LRRC37A2: variants seen among roughly 807,000 people sequenced by gnomAD.
The protein encoded by LRRC37A2 is leucine rich repeat containing 37 member A2, also known as leucine-rich repeat-containing protein 37A2.
Under a neutral mutation model 68.8 loss-of-function variants are expected in LRRC37A2, and 9 were observed. That is an observed-to-expected ratio of 0.13 (90% confidence interval 0.08 to 0.23). The LOEUF is 0.23. Ranked by LOEUF, LRRC37A2 falls within the 10% of genes least tolerant of loss-of-function variation. LRRC37A2 has a pLI of 1.00. For synonymous variants in LRRC37A2, 63 were observed against 367.6 expected (o/e 0.17, Z 9.48); for missense variants, 168 against 950.4 (o/e 0.18, Z 10.82).
chr17:46,520,976 A>G (rs1333007972), intron 4 of LRRC37A2, among the ~76,000 whole-genome samples: 1 of 81,752 alleles, frequency 1.2e-5, no homozygotes, highest in African/African-American at 3.5e-5. Context: ...AGCTACCAAG[A>G]GAATAGACTG....
the LRRC37A2 span, among the ~76,000 whole-genome samples, chr17:46,784,115 G>A: frequency 2.6e-5 from 4 of 152,134 alleles, no homozygotes; most frequent in African/African-American, 7.2e-5. Context: ...GGATGGGCCC[G>A]CTGGTCATCT....
chr17:46,729,340 T>G, the LRRC37A2 span, among the ~76,000 whole-genome samples: 1 of 152,190 alleles, frequency 6.6e-6, no homozygotes, highest in Admixed American at 6.6e-5. Context: ...TATGGGGATA[T>G]TTAAGTTTAT....
At chr17:46,913,279 C>T in the LRRC37A2 span, among the ~76,000 whole-genome samples, 5,126 of 152,330 alleles carry the variant, frequency 0.034, 165 homozygotes, top group African/African-American at 0.083. Context: ...AGAAGTTTCA[C>T]AAGCACCTAC....
chr17:46,745,502 A>G, the LRRC37A2 span, among the ~76,000 whole-genome samples: 3 of 152,222 alleles, frequency 2.0e-5, no homozygotes, highest in African/African-American at 7.2e-5. Flanking sequence ...TTTGAAGAGC[A>G]TAGTCACTGT....
the LRRC37A2 span, among the ~76,000 whole-genome samples, chr17:46,739,984 C>A: frequency 6.6e-6 from 1 of 152,076 alleles, no homozygotes; most frequent in Non-Finnish European, 1.5e-5. Context: ...ACAGGCCTGG[C>A]CTGATTTTAA....
chr17:46,830,866 G>C, the LRRC37A2 span: 1 of 397,888 alleles, frequency 2.5e-6, no homozygotes, highest in Non-Finnish European at 4.4e-6. Flanking sequence ...GAAAAAGTCT[G>C]GTTGGTCCTA....
the LRRC37A2 span, among the ~76,000 whole-genome samples, chr17:46,816,517 CT>C: frequency 1.4e-5 from 2 of 140,848 alleles, no homozygotes; most frequent in African/African-American, 2.5e-5. Flanking sequence ...ACACACACAC[CT>C]CTCTCCTTGG....
At chr17:46,732,883 G>A in the LRRC37A2 span, among the ~76,000 whole-genome samples, 1 of 152,224 alleles carries the variant, frequency 6.6e-6, no homozygotes, top group African/African-American at 2.4e-5. Context: ...AGCAGCAGCA[G>A]CTAAGAAAGC....
At chr17:46,836,754 C>T in the LRRC37A2 span, among the ~76,000 whole-genome samples, 1 of 152,120 alleles carries the variant, frequency 6.6e-6, no homozygotes, top group Non-Finnish European at 1.5e-5. Context: ...GGGGTGATGT[C>T]TTGGTTGGAA....
chr17:46,857,036 G>T, the LRRC37A2 span, among the ~76,000 whole-genome samples: 3 of 152,112 alleles, frequency 2.0e-5, no homozygotes, highest in African/African-American at 4.8e-5. Flanking sequence ...CTTTTGCTTG[G>T]ATTATTTTGC....
At chr17:46,953,382 A>G in the LRRC37A2 span, among the ~76,000 whole-genome samples, 1 of 152,092 alleles carries the variant, frequency 6.6e-6, no homozygotes, top group African/African-American at 2.4e-5. Context: ...TGAGCTCATC[A>G]TTTTTTATGG....
the LRRC37A2 span, among the ~76,000 whole-genome samples, chr17:46,738,021 C>T: frequency 3.3e-5 from 5 of 151,810 alleles, no homozygotes; most frequent in Non-Finnish European, 7.4e-5. Flanking sequence ...GCAGCCTTTA[C>T]CTCCTGGGCT....
the LRRC37A2 span, chr17:46,916,962 G>C: frequency 6.6e-6 from 1 of 152,148 alleles, no homozygotes; most frequent in Non-Finnish European, 1.5e-5. Flanking sequence ...ATCCATTCAT[G>C]AAGGCTCTGT....
chr17:46,751,602 G>A, the LRRC37A2 span: 1 of 1,610,920 alleles, frequency 6.2e-7, no homozygotes, highest in Non-Finnish European at 8.5e-7. Context: ...AATGCTGATC[G>A]AGATGTCCCT....
the LRRC37A2 span, among the ~76,000 whole-genome samples, chr17:46,767,494 C>T: frequency 1.3e-5 from 2 of 152,160 alleles, no homozygotes; most frequent in Non-Finnish European, 2.9e-5. Context: ...GTAGAGGAGA[C>T]ATTTTGGCTC....
the LRRC37A2 span, among the ~76,000 whole-genome samples, chr17:47,038,466 T>A: frequency 6.6e-6 from 1 of 151,840 alleles, no homozygotes; most frequent in East Asian, 1.9e-4. Flanking sequence ...TTTTTTTTAG[T>A]TATCCGAGTG....
chr17:46,825,140 C>G, the LRRC37A2 span, among the ~76,000 whole-genome samples: 1 of 152,258 alleles, frequency 6.6e-6, no homozygotes, highest in Non-Finnish European at 1.5e-5. Flanking sequence ...TTTTGGGGCT[C>G]TAACCCAAGG....
At chr17:46,825,250 T>G in the LRRC37A2 span, among the ~76,000 whole-genome samples, 1 of 152,110 alleles carries the variant, frequency 6.6e-6, no homozygotes, top group Non-Finnish European at 1.5e-5. Flanking sequence ...CTAGAGCTCC[T>G]GAGTTTTCCT....
the LRRC37A2 span, among the ~76,000 whole-genome samples, chr17:46,728,183 G>T: frequency 6.6e-6 from 1 of 152,108 alleles, no homozygotes; most frequent in Non-Finnish European, 1.5e-5. Flanking sequence ...ATTGGTAAAT[G>T]TTTAACAGGT....
Sources: gnomAD v4.1 joint callset for allele counts (sites outside exome capture counted in the v4.1 genomes callset) on GRCh38, gnomAD v4.1.1 for gene constraint, MANE v1.5 for transcripts, NCBI Gene and HGNC (gene_info 2026-07-23, HGNC 2026-07-21) for gene names.